The following MAPK10 variants were observed in gnomAD, a reference collection of about 807,000 sequenced individuals.
MAPK10 encodes the protein JNK3 alpha protein kinase.
Under a neutral mutation model 59.3 loss-of-function variants are expected in MAPK10, and 25 were observed. The ratio of observed to expected loss-of-function variants is 0.42; its 90% CI spans 0.31 to 0.59. The LOEUF is 0.59. Ranked by LOEUF, MAPK10 falls within the 20% of genes least tolerant of loss-of-function variation. MAPK10 has a pLI of 0.15. For synonymous variants in MAPK10, 190 were observed against 200.5 expected, an observed-to-expected ratio of 0.95 and a Z score of 0.44; for missense variants, 351 against 568.9, an observed-to-expected ratio of 0.62 and a Z score of 3.90.
intron 1 of MAPK10, among the ~76,000 whole-genome samples, chr4:86,385,689 C>T (rs925693000): frequency 2.6e-5 from 4 of 152,262 alleles, no homozygotes; most frequent in East Asian, 1.9e-4. Flanking sequence ...AGAATGAATA[C>T]GATTAGCTCC....
At chr4:86,519,231 T>C (rs1386670829) in intron 1 of MAPK10, among the ~76,000 whole-genome samples, 1 of 152,242 alleles carries the variant, frequency 6.6e-6, no homozygotes, top group Non-Finnish European at 1.5e-5. Context: ...CCTCCACTAT[T>C]ATTGTGTTGG....
chr4:86,292,849 C>G (rs902350411), intron 2 of MAPK10, among the ~76,000 whole-genome samples: 1 of 152,164 alleles, frequency 6.6e-6, no homozygotes, highest in African/African-American at 2.4e-5. Context: ...TCAGAGAAAG[C>G]GGTGGTGGTC....
chr4:86,187,867 C>T (rs1266157953), intron 3 of MAPK10, among the ~76,000 whole-genome samples: 1 of 152,076 alleles, frequency 6.6e-6, no homozygotes, highest in African/African-American at 2.4e-5. Context: ...TTGCTGCACC[C>T]ATCAATCTGT....
At chr4:86,118,746 C>A (rs2058711004) in intron 4 of MAPK10, among the ~76,000 whole-genome samples, 1 of 151,886 alleles carries the variant, frequency 6.6e-6, no homozygotes, top group Non-Finnish European at 1.5e-5. Flanking sequence ...TTTTCTTGTT[C>A]CTCTTTCCCT....
chr4:86,101,002 G>GCACC, intron 8 of MAPK10, 50 bp downstream of exon 8: 1 of 1,531,548 alleles, frequency 6.5e-7, no homozygotes, highest in East Asian at 2.3e-5. Context: ...TCTACAACGT[G>GCACC]CACCCGTTTC....
chr4:86,461,042 C>T (rs957811863), intron 1 of MAPK10, among the ~76,000 whole-genome samples: 1 of 152,046 alleles, frequency 6.6e-6, no homozygotes, highest in Non-Finnish European at 1.5e-5. Context: ...AAATGATGCC[C>T]ATACGTGGGG....
chr4:86,103,563 A>G (rs1266746181), intron 5 of MAPK10, among the ~76,000 whole-genome samples: 1 of 152,150 alleles, frequency 6.6e-6, no homozygotes, highest in African/African-American at 2.4e-5. Context: ...GGGATTAAAC[A>G]AAAAAGGAAG....
chr4:86,214,121 GA>G (rs2086662442), intron 2 of MAPK10, among the ~76,000 whole-genome samples: 1 of 151,928 alleles, frequency 6.6e-6, no homozygotes, highest in Non-Finnish European at 1.5e-5. Context: ...TGGAATGAAG[GA>G]AAACATTATG....
chr4:86,549,374 T>A (rs753438382), intron 1 of MAPK10, among the ~76,000 whole-genome samples: 36 of 152,200 alleles, frequency 2.4e-4, no homozygotes, highest in Non-Finnish European at 4.9e-4. Context: ...CCATTGCTCC[T>A]ACACTACAAA....
chr4:86,555,782 A>G (rs1760217862), intron 1 of MAPK10, among the ~76,000 whole-genome samples: 1 of 152,238 alleles, frequency 6.6e-6, no homozygotes, highest in African/African-American at 2.4e-5. Flanking sequence ...GAAGTTGGGT[A>G]AAGGAGAATA....
At chr4:86,248,389 C>G in intron 2 of MAPK10, among the ~76,000 whole-genome samples, 1 of 152,140 alleles carries the variant, frequency 6.6e-6, no homozygotes, top group East Asian at 1.9e-4. Flanking sequence ...GAAAACTTAT[C>G]AAGATAACTC....
chr4:86,575,459 T>C (rs983375024), intron 1 of MAPK10, among the ~76,000 whole-genome samples: 1 of 152,190 alleles, frequency 6.6e-6, no homozygotes, highest in Non-Finnish European at 1.5e-5. Context: ...TATTTGGTCC[T>C]GATTTTTAAA....
At chr4:86,409,784 G>A (rs2149025811) in intron 1 of MAPK10, among the ~76,000 whole-genome samples, 1 of 152,264 alleles carries the variant, frequency 6.6e-6, no homozygotes, top group Non-Finnish European at 1.5e-5. Context: ...TTGCTTATCA[G>A]CTTAAGGAGA....
intron 2 of MAPK10, among the ~76,000 whole-genome samples, chr4:86,348,602 G>C (rs1373299777): frequency 6.6e-6 from 1 of 152,010 alleles, no homozygotes; most frequent in South Asian, 2.1e-4. Context: ...CCATGAAGAT[G>C]GTTAAATACT....
At chr4:86,048,782 A>G (rs1345254174) in intron 11 of MAPK10, among the ~76,000 whole-genome samples, 1 of 152,154 alleles carries the variant, frequency 6.6e-6, no homozygotes, top group Non-Finnish European at 1.5e-5. Context: ...CTAATGTTAG[A>G]GGGATAATAT....
At chr4:86,045,872 T>C (rs1179272736) in intron 11 of MAPK10, among the ~76,000 whole-genome samples, 1 of 151,532 alleles carries the variant, frequency 6.6e-6, no homozygotes, top group Non-Finnish European at 1.5e-5. Context: ...CATGTTCCTG[T>C]TTGAAAATTA....
At chr4:86,120,540 G>C (rs1037991829) in intron 4 of MAPK10, 4 of 152,154 alleles carry the variant, frequency 2.6e-5, no homozygotes, top group African/African-American at 9.7e-5. Context: ...AAATCAGGAT[G>C]GTGACATTGG....
At chr4:86,068,308 A>G (rs1161480068) in intron 9 of MAPK10, among the ~76,000 whole-genome samples, 1 of 152,196 alleles carries the variant, frequency 6.6e-6, no homozygotes, top group Non-Finnish European at 1.5e-5. Flanking sequence ...AGAAAAATAT[A>G]TAATGACACA....
At chr4:86,032,999 A>G (rs1304147855) in intron 11 of MAPK10, among the ~76,000 whole-genome samples, 1 of 152,022 alleles carries the variant, frequency 6.6e-6, no homozygotes, top group Non-Finnish European at 1.5e-5. Flanking sequence ...ACCACCCCAG[A>G]CAATAGTAAG....
Sources: allele counts gnomAD v4.1 joint callset (sites outside exome capture counted in the v4.1 genomes callset), GRCh38; gene constraint gnomAD v4.1.1; transcripts MANE v1.5; gene names NCBI Gene and HGNC (gene_info 2026-07-23, HGNC 2026-07-21).